Variants in TMEM108 observed in about 807,000 individuals in gnomAD.
The protein encoded by TMEM108 is cancer/testis antigen 124.
A neutral mutation model predicts 35.1 loss-of-function variants in TMEM108; 12 were observed. The observed-to-expected ratio is 0.34, with a 90% CI of 0.22 to 0.55. TMEM108 has a LOEUF of 0.55. Among genes scored for constraint, TMEM108 ranks in the 20% least tolerant of loss-of-function variants. TMEM108 has a pLI of 0.89. For synonymous variants in TMEM108, 287 were observed against 308.6 expected (o/e 0.93, Z 0.73); for missense variants, 680 against 753.3 (o/e 0.90, Z 1.14).
At chr3:133,263,119 C>T (rs1046988117) in intron 3 of TMEM108, among the ~76,000 whole-genome samples, 1 of 152,078 alleles carries the variant, frequency 6.6e-6, no homozygotes, top group Non-Finnish European at 1.5e-5. Flanking sequence ...GAGGTAGAGA[C>T]CATATGTGTT....
intron 3 of TMEM108, among the ~76,000 whole-genome samples, chr3:133,288,538 G>T (rs1053350343): frequency 6.6e-6 from 1 of 152,166 alleles, no homozygotes; most frequent in African/African-American, 2.4e-5. Flanking sequence ...TGCATTTGCA[G>T]CAGTCCTGTT....
chr3:133,339,236 G>A (rs2071590179), intron 3 of TMEM108, among the ~76,000 whole-genome samples: 1 of 149,878 alleles, frequency 6.7e-6, no homozygotes, highest in Non-Finnish European at 1.5e-5. Context: ...CACCTATAAA[G>A]ACAAAAATAA....
At chr3:133,134,048 C>G (rs1944530004) in intron 2 of TMEM108, among the ~76,000 whole-genome samples, 1 of 152,110 alleles carries the variant, frequency 6.6e-6, no homozygotes, top group Admixed American at 6.5e-5. Context: ...AGGCATGAGC[C>G]ACCGCTCCCT....
At chr3:133,171,002 G>T (rs1465406782) in intron 2 of TMEM108, among the ~76,000 whole-genome samples, 1 of 152,176 alleles carries the variant, frequency 6.6e-6, no homozygotes, top group African/African-American at 2.4e-5. Flanking sequence ...ATGTATCACT[G>T]AAAGGCAAGC....
intron 2 of TMEM108, among the ~76,000 whole-genome samples, chr3:133,136,270 G>A (rs1944563323): frequency 6.6e-6 from 1 of 152,174 alleles, no homozygotes; most frequent in South Asian, 2.1e-4. Context: ...TCTTAGCACT[G>A]TTTTCAGGCT....
At chr3:133,159,827 C>T (rs1289723360) in intron 2 of TMEM108, among the ~76,000 whole-genome samples, 1 of 152,180 alleles carries the variant, frequency 6.6e-6, no homozygotes, top group African/African-American at 2.4e-5. Flanking sequence ...TCCTGTATCC[C>T]TTCTGTTTTC....
At chr3:133,046,609 C>G (rs183934924) in intron 2 of TMEM108, among the ~76,000 whole-genome samples, 20 of 152,290 alleles carry the variant, frequency 1.3e-4, no homozygotes, top group Admixed American at 1.0e-3. Flanking sequence ...CTATTTGCAG[C>G]CCCTAGTACA....
chr3:133,141,775 T>C (rs1051427649), intron 2 of TMEM108, among the ~76,000 whole-genome samples: 1 of 152,186 alleles, frequency 6.6e-6, no homozygotes, highest in Non-Finnish European at 1.5e-5. Context: ...ATTATTGCTA[T>C]TAATAAAAAG....
chr3:133,162,864 G>A (rs909734412), intron 2 of TMEM108, among the ~76,000 whole-genome samples: 2 of 152,208 alleles, frequency 1.3e-5, no homozygotes, highest in African/African-American at 4.8e-5. Context: ...GCACAGCTCA[G>A]AGTTCCCAGC....
chr3:133,146,227 G>A (rs1397861881), intron 2 of TMEM108, among the ~76,000 whole-genome samples: 1 of 152,126 alleles, frequency 6.6e-6, no homozygotes, highest in Non-Finnish European at 1.5e-5. Context: ...AGATAATCGT[G>A]GTTTTTGTCA....
intron 2 of TMEM108, among the ~76,000 whole-genome samples, chr3:133,198,198 T>C (rs1444304100): frequency 6.6e-6 from 1 of 152,186 alleles, no homozygotes; most frequent in Non-Finnish European, 1.5e-5. Context: ...TTTTATCACC[T>C]CTAGTTAAAC....
At chr3:133,234,560 C>A (rs1365351540) in intron 3 of TMEM108, among the ~76,000 whole-genome samples, 1 of 152,098 alleles carries the variant, frequency 6.6e-6, no homozygotes, top group Admixed American at 6.5e-5. Context: ...ACGCTTCATG[C>A]TAAAAACTCT....
intron 2 of TMEM108, among the ~76,000 whole-genome samples, chr3:133,065,402 A>T (rs1339254850): frequency 6.6e-6 from 1 of 152,130 alleles, no homozygotes; most frequent in Non-Finnish European, 1.5e-5. Flanking sequence ...TGCCTTTCCC[A>T]GCTATGGTAA....
At chr3:133,203,011 C>T (rs1487404947) in intron 2 of TMEM108, among the ~76,000 whole-genome samples, 1 of 152,102 alleles carries the variant, frequency 6.6e-6, no homozygotes, top group Non-Finnish European at 1.5e-5. Flanking sequence ...CCTTCACATC[C>T]CTTGTAAGTT....
intron 2 of TMEM108, among the ~76,000 whole-genome samples, chr3:133,160,956 C>T (rs1049285119): frequency 6.6e-6 from 1 of 152,196 alleles, no homozygotes; most frequent in South Asian, 2.1e-4. Context: ...CTCCTGCTTA[C>T]ACACCCCTCC....
chr3:133,228,332 C>A (rs1946104314), intron 2 of TMEM108, among the ~76,000 whole-genome samples: 1 of 152,030 alleles, frequency 6.6e-6, no homozygotes, highest in South Asian at 2.1e-4. Context: ...ACATAAAATG[C>A]AAATTAAAAC....
chr3:133,120,410 G>T (rs757157434), intron 2 of TMEM108, among the ~76,000 whole-genome samples: 9 of 152,144 alleles, frequency 5.9e-5, no homozygotes, highest in African/African-American at 1.9e-4. Flanking sequence ...CACATTTAGC[G>T]TTCAAGCCCC....
chr3:133,205,727 C>T (rs1490103284), intron 2 of TMEM108, among the ~76,000 whole-genome samples: 1 of 152,130 alleles, frequency 6.6e-6, no homozygotes, highest in Non-Finnish European at 1.5e-5. Context: ...GGCTGCCCTT[C>T]ACATTTTTTC....
Position 133,327,222 on chromosome 3 carries a change from G to A in TMEM108, c.41-52530G>A, listed in dbSNP as rs140107453. Among the ~76,000 whole-genome samples, 18 of 152,312 alleles carry A rather than the reference G, an allele frequency of 1.2e-4. No individual in the cohort carries two copies. The East Asian group carries it at 3.3e-3, about 28-fold the overall frequency. On this transcript the variant is annotated intron_variant, in intron 3 of 5. Transcript: ENST00000321871. Reference sequence around the variant, plus strand: ...AAGAATGATTGAGACTAGTGCCAAGGTCAAGAGGAAAAATAATTCTAATTG... The same window carrying A: ...AAGAATGATTGAGACTAGTGCCAAGATCAAGAGGAAAAATAATTCTAATTG...
Sources: allele counts gnomAD v4.1 joint callset (sites outside exome capture counted in the v4.1 genomes callset), GRCh38; gene constraint gnomAD v4.1.1; transcripts MANE v1.5; gene names NCBI Gene and HGNC (gene_info 2026-07-23, HGNC 2026-07-21).